Variants in KDELR1 observed in about 807,000 individuals in gnomAD.
KDELR1 encodes ER lumen protein-retaining receptor 1.
KDELR1 carries 16 observed loss-of-function variants against 25.5 expected under a neutral mutation model. That is an observed-to-expected ratio of 0.63 (90% CI 0.43 to 0.95). The LOEUF (loss-of-function observed/expected upper bound fraction) is 0.95, where lower values mean the gene tolerates loss of function less well. Among genes scored for constraint, KDELR1 ranks in the 40% least tolerant of loss-of-function variants. The pLI, the probability that KDELR1 is intolerant of heterozygous loss-of-function variation, is 0.00. For synonymous variants in KDELR1, 121 were observed against 115.0 expected (o/e 1.05, Z -0.33); for missense variants, 159 against 265.2 (o/e 0.60, Z 2.78).
rs1157553995 is a variant in KDELR1 at position 48,391,409 on chromosome 19, G to A, written c.-51C>T. Reference sequence around the variant, plus strand: ...GCGGGAGGGAGGCAGGCTGGCGGGGGGGTGCCCCCCGAGGCTGCTGGTCTG... The same window carrying A: ...GCGGGAGGGAGGCAGGCTGGCGGGGAGGTGCCCCCCGAGGCTGCTGGTCTG... On this transcript the variant is annotated 5_prime_UTR_variant, in exon 1 of 5. Coordinates refer to ENST00000330720, the MANE Select transcript of KDELR1 (RefSeq NM_006801.3). The A allele has an allele frequency of 2.7e-6, 4 of 1,466,028 alleles. No homozygotes were observed. Among genetic ancestry groups the A allele is most frequent in the Non-Finnish European group, 3.7e-6 (4 of 1,070,398 alleles). 90.8% of individuals were successfully genotyped at this position (1,466,028 alleles called of 1,614,324 possible).
rs1970467992 is a variant in KDELR1 at position 48,382,949 on chromosome 19, G to A, written c.*344C>T. The A allele has an allele frequency of 7.7e-6, 2 of 259,234 alleles. No homozygotes were observed. The highest frequency in any genetic ancestry group is 2.3e-5 in the African/African-American group (1 of 43,858). 16.1% of individuals were successfully genotyped at this position (259,234 alleles called of 1,614,324 possible). On this transcript the variant is annotated 3_prime_UTR_variant, in exon 5 of 5. Transcript: ENST00000330720. ...GAGGGAGCCGAGGGGCCTGGGGAAG[G>A]GAAAAGATCTTGGACCCTGCCCCGG...
At chr19:48,388,457 G>C (rs1374891076) in intron 3 of KDELR1, among the ~76,000 whole-genome samples, 1 of 151,816 alleles carries the variant, frequency 6.6e-6, no homozygotes, top group Non-Finnish European at 1.5e-5. Flanking sequence ...AGGCTGAGGA[G>C]AGTGGATCAC....
the KDELR1 span, among the ~76,000 whole-genome samples, chr19:48,396,783 G>C: frequency 6.6e-6 from 1 of 152,024 alleles, no homozygotes; most frequent in Non-Finnish European, 1.5e-5. Context: ...CCCCCGCCCT[G>C]GCTGTCTGTG....
upstream of KDELR1, chr19:48,391,581 G>GGGAGGAGA: frequency 1.8e-6 from 1 of 546,176 alleles, no homozygotes; most frequent in Non-Finnish European, 3.3e-6. Context: ...GGAGGAGTCC[G>GGGAGGAGA]GGAGGAGAGG....
the KDELR1 span, among the ~76,000 whole-genome samples, chr19:48,396,977 G>A: frequency 6.6e-6 from 1 of 152,124 alleles, no homozygotes; most frequent in Non-Finnish European, 1.5e-5. Flanking sequence ...GGACCCAGGA[G>A]CCTGGCTCCC....
At chr19:48,387,970 GGAA>G (rs1194803783) in intron 3 of KDELR1, 5 of 152,290 alleles carry the variant, frequency 3.3e-5, no homozygotes, top group African/African-American at 9.6e-5. Context: ...AAAACACCAT[GGAA>G]TAAAAATCAT....
At chr19:48,387,687 G>GAAAAAA (rs957905797) in intron 3 of KDELR1, 1 of 87,002 alleles carries the variant, frequency 1.1e-5, no homozygotes, top group African/African-American at 3.8e-5. Flanking sequence ...TCTCAAAAAA[G>GAAAAAA]AAAAAAAAAA....
At chr19:48,383,431 C>T in intron 4 of KDELR1, 104 bp from the exon 5 acceptor site, 2 of 1,003,058 alleles carry the variant, frequency 2.0e-6, no homozygotes, top group Non-Finnish European at 3.1e-6. Context: ...TGGGCAGATC[C>T]ACAGGGAGGG....
In KDELR1 at chr19:48,382,984, C is replaced by A; in HGVS notation, c.*309G>T. ...TTGGACCCTGCCCCGGCCCATAGGA[C>A]ACTCAAAAACACTTTATAAAAATTG... On this transcript the variant is annotated 3_prime_UTR_variant, in exon 5 of 5. Transcript: ENST00000330720. 1 of 406,058 alleles carries A rather than the reference C, an allele frequency of 2.5e-6. No individual in the cohort carries two copies. The highest frequency in any genetic ancestry group is 4.5e-6 in the Non-Finnish European group (1 of 222,412). The allele number at this position is 406,058 out of a possible 1,614,324, so 25.2% of individuals were successfully genotyped here. A position where few individuals can be genotyped will look rare whatever the true frequency, so the allele number is the denominator to read the frequency against.
Position 48,384,460 on chromosome 19 carries a change from T to A in KDELR1, c.374A>T (p.Tyr125Phe). The A allele has an allele frequency of 6.2e-7, 1 of 1,613,060 alleles. No homozygotes were observed. The highest frequency in any genetic ancestry group is 8.5e-7 in the Non-Finnish European group (1 of 1,179,702). Residue 125 changes from tyrosine to phenylalanine, a missense_variant, in exon 4 of 5, where the codon TAC becomes TTC. By Grantham distance (22) the Tyr-to-Phe change is conservative. Coordinates refer to ENST00000330720, the MANE Select transcript of KDELR1 (RefSeq NM_006801.3). This position sits in a 1 kb window ranked among gnomAD's most constrained non-coding sequence, Gnocchi z 4.6. ...PLEILWTFSI[Y>F]LESVAILPQL... is the part of the protein sequence containing the mutation. ...CGGCAAGATGGCCACTGACTCCAGGTAGATGGAGAAGGTCCAGAGGATCTG... is the reference window on the plus strand; with the variant it reads ...CGGCAAGATGGCCACTGACTCCAGGAAGATGGAGAAGGTCCAGAGGATCTG...
upstream of KDELR1, among the ~76,000 whole-genome samples, chr19:48,395,353 A>G (rs558378918): frequency 8.6e-5 from 13 of 150,644 alleles, no homozygotes; most frequent in Admixed American, 6.6e-4. Context: ...TGAGTCTGCT[A>G]TTAATACCCC....
upstream of KDELR1, among the ~76,000 whole-genome samples, chr19:48,395,769 G>C (rs772226316): frequency 4.6e-5 from 7 of 152,100 alleles, no homozygotes; most frequent in Non-Finnish European, 8.8e-5. Flanking sequence ...GGAAGGATAG[G>C]GTTTGAAACC....
Position 48,389,610 on chromosome 19 carries a change from C to G in KDELR1, c.294G>C (p.Leu98=), listed in dbSNP as rs1376801977. ...GNHDTFRVEF[L]VVPTAILAFL... ...ACGCCAGAATGGCTGTGGGAACGAC[C>G]AGGAACTCCACTCTGAACGTGTCAT... Residue 98 remains leucine, a synonymous_variant, in exon 3 of 5, where the codon CTG becomes CTC. Coordinates refer to ENST00000330720, the MANE Select transcript of KDELR1 (RefSeq NM_006801.3). 6.2e-7 allele frequency: 1 copy of G among 1,614,144 alleles called. No individual in the cohort carries two copies. The highest frequency in any genetic ancestry group is 1.7e-5 in the Admixed American group (1 of 60,022).
At chr19:48,391,617 A>C (rs1970555141), upstream of KDELR1, 1 of 490,138 alleles carries the variant, frequency 2.0e-6, no homozygotes, top group Admixed American at 3.6e-5. Flanking sequence ...CGGGGCCTGG[A>C]TCCCCGGCGC....
chr19:48,383,172 G>A lies in KDELR1; in HGVS notation c.*121C>T. On this transcript the variant is annotated 3_prime_UTR_variant, in exon 5 of 5. Coordinates refer to ENST00000330720, the MANE Select transcript of KDELR1 (RefSeq NM_006801.3). ...CCCCCTGAAACCCGGCAGGAGGCGG[G>A]ATGGGGAGCACAAGAGGTGGGTTCT... 1 of 1,028,046 alleles carries A rather than the reference G, an allele frequency of 9.7e-7. No individual in the cohort carries two copies. The highest frequency in any genetic ancestry group is 1.5e-6 in the Non-Finnish European group (1 of 679,022). 63.7% of individuals were successfully genotyped at this position (1,028,046 alleles called of 1,614,324 possible). A position where few individuals can be genotyped will look rare whatever the true frequency, so the allele number is the denominator to read the frequency against.
rs922706592 is a variant in KDELR1 at position 48,384,537 on chromosome 19, G to A, written c.352-55C>T. Reference sequence around the variant, plus strand: ...GGGAGGGGACAGGGCGGGAGAAAAGGCAGAGGACAACATTGCAGTTACAGG... The same window carrying A: ...GGGAGGGGACAGGGCGGGAGAAAAGACAGAGGACAACATTGCAGTTACAGG... On this transcript the variant is annotated intron_variant, in intron 3 of 4. Coordinates refer to ENST00000330720, the MANE Select transcript of KDELR1 (RefSeq NM_006801.3). The surrounding 1 kb of genome is among the most constrained non-coding windows in gnomAD (Gnocchi z 4.6). 3 of 1,573,734 alleles carry A rather than the reference G, an allele frequency of 1.9e-6. No homozygotes were observed. Among genetic ancestry groups the A allele is most frequent in the African/African-American group, 2.7e-5 (2 of 74,276 alleles).
At chr19:48,393,806 G>T (rs376526494), upstream of KDELR1, among the ~76,000 whole-genome samples, 402 of 152,248 alleles carry the variant, frequency 2.6e-3, 1 homozygote, top group African/African-American at 8.6e-3. This position sits in a 1 kb window ranked among gnomAD's most constrained non-coding sequence, Gnocchi z 5.6. Flanking sequence ...TGCCTGCTGG[G>T]GGTGTTGCCT....
Position 48,391,496 on chromosome 19 carries a change from G to A in KDELR1, c.-138C>T, listed in dbSNP as rs769732512. On this transcript the variant is annotated 5_prime_UTR_variant, in exon 1 of 5. Transcript: ENST00000330720. ...CTAGGTGCGCTCCGCTCCGGGGAGG[G>A]GACTTTGGGAGGGGGAGCAAAGGCT... is the stretch of plus-strand genomic sequence containing the variant. 5.1e-5 allele frequency: 34 copies of A among 661,184 alleles called. No individual in the cohort carries two copies. Among genetic ancestry groups the A allele is most frequent in the Non-Finnish European group, 7.6e-5 (29 of 381,406 alleles). The allele number at this position is 661,184 out of a possible 1,614,324, so 41.0% of individuals were successfully genotyped here. A position where few individuals can be genotyped will look rare whatever the true frequency, so the allele number is the denominator to read the frequency against.
In KDELR1 at chr19:48,384,519, G is replaced by A; in HGVS notation, c.352-37C>T. 3 of 1,595,926 alleles carry A rather than the reference G, an allele frequency of 1.9e-6. No individual in the cohort carries two copies. The highest frequency in any genetic ancestry group is 2.6e-6 in the Non-Finnish European group (3 of 1,169,730). On this transcript the variant is annotated intron_variant, in intron 3 of 4. Transcript: ENST00000330720. The surrounding 1 kb of genome is among the most constrained non-coding windows in gnomAD (Gnocchi z 4.6). Reference sequence around the variant, plus strand: ...CCGGGGACATGATGAGGTGGGAGGGGACAGGGCGGGAGAAAAGGCAGAGGA... The same window carrying A: ...CCGGGGACATGATGAGGTGGGAGGGAACAGGGCGGGAGAAAAGGCAGAGGA...
Sources: gnomAD v4.1 joint callset for allele counts (sites outside exome capture counted in the v4.1 genomes callset) on GRCh38, gnomAD v4.1.1 for gene constraint, Gnocchi (gnomAD v3.1) non-coding constraint, MANE v1.5 for transcripts, NCBI Gene and HGNC (gene_info 2026-07-23, HGNC 2026-07-21) for gene names.